RBFOX3: variants seen among roughly 807,000 people sequenced by gnomAD.
The protein encoded by RBFOX3 is RNA binding protein fox-1 homolog 3.
In RBFOX3, 17 loss-of-function variants were observed where a neutral mutation model predicts 48.7. The observed-to-expected ratio is 0.35, with a 90% CI of 0.24 to 0.52. The LOEUF (loss-of-function observed/expected upper bound fraction) is 0.52, where lower values mean the gene tolerates loss of function less well. Among genes scored for constraint, RBFOX3 ranks in the 20% least tolerant of loss-of-function variants. The pLI, the probability that RBFOX3 is intolerant of heterozygous loss-of-function variation, is 0.94. For synonymous variants in RBFOX3, 212 were observed against 209.5 expected (o/e 1.01, Z -0.10); for missense variants, 382 against 497.5 (o/e 0.77, Z 2.21).
intron 3 of RBFOX3, among the ~76,000 whole-genome samples, chr17:79,256,997 C>T (rs187559897): frequency 6.0e-4 from 91 of 152,068 alleles, no homozygotes; most frequent in Admixed American, 1.2e-3. Flanking sequence ...GTTCGTGACG[C>T]GGGTGGGAGG....
chr17:79,457,859 C>T (rs1382823770), intron 2 of RBFOX3, among the ~76,000 whole-genome samples: 1 of 152,194 alleles, frequency 6.6e-6, no homozygotes, highest in Non-Finnish European at 1.5e-5. Context: ...AAGAACACAG[C>T]CCAGCACAAC....
chr17:79,499,553 T>C (rs2082108605), intron 1 of RBFOX3, among the ~76,000 whole-genome samples: 1 of 152,238 alleles, frequency 6.6e-6, no homozygotes, highest in Non-Finnish European at 1.5e-5. Flanking sequence ...TGGAGGTCAG[T>C]ACTACAAAGC....
At chr17:79,503,752 C>T (rs1156268888) in intron 1 of RBFOX3, among the ~76,000 whole-genome samples, 1 of 152,204 alleles carries the variant, frequency 6.6e-6, no homozygotes, top group Non-Finnish European at 1.5e-5. Context: ...AAGCCGGTTC[C>T]CAGGAGCTGA....
At chr17:79,508,369 C>A (rs2083488655) in intron 1 of RBFOX3, among the ~76,000 whole-genome samples, 1 of 152,198 alleles carries the variant, frequency 6.6e-6, no homozygotes, top group African/African-American at 2.4e-5. Flanking sequence ...TTGGGGGCGT[C>A]CTGAGCCGCC....
the RBFOX3 span, among the ~76,000 whole-genome samples, chr17:79,643,847 A>G: frequency 6.6e-6 from 1 of 152,276 alleles, no homozygotes; most frequent in Non-Finnish European, 1.5e-5. Context: ...GACGTTCTCA[A>G]ATTAATGAAC....
At chr17:79,098,237 CGTCCTGCTCCCTCTTCCCCGTGCTGA>C (rs1373956618) in intron 9 of RBFOX3, 1 of 157,572 alleles carries the variant, frequency 6.3e-6, no homozygotes, top group Admixed American at 6.1e-5. Flanking sequence ...CCAAAGTCCC[CGTCCTGCTCCCTCTTCCCCGTGCTGA>C]GTCCTGCTCT....
chr17:79,464,274 G>A (rs1385262900), intron 2 of RBFOX3, among the ~76,000 whole-genome samples: 6 of 152,346 alleles, frequency 3.9e-5, no homozygotes, highest in East Asian at 1.9e-4. Context: ...TTCTTCCAAC[G>A]GACAGAGAAA....
At chr17:79,353,308 T>G (rs986928459) in intron 2 of RBFOX3, among the ~76,000 whole-genome samples, 5 of 152,028 alleles carry the variant, frequency 3.3e-5, no homozygotes, top group African/African-American at 1.2e-4. Flanking sequence ...CTCCATGGGG[T>G]GGGATCTTCC....
intron 1 of RBFOX3, among the ~76,000 whole-genome samples, chr17:79,539,484 C>T (rs2150154786): frequency 6.6e-6 from 1 of 152,262 alleles, no homozygotes; most frequent in African/African-American, 2.4e-5. Context: ...ATTTAAGATA[C>T]ACATAACCTT....
intron 2 of RBFOX3, among the ~76,000 whole-genome samples, chr17:79,413,831 C>T (rs545797702): frequency 4.6e-5 from 7 of 152,334 alleles, no homozygotes; most frequent in South Asian, 4.1e-4. Context: ...ACAGGGCAGG[C>T]GGCTGCCATC....
Position 79,097,310 on chromosome 17 carries a change from G to A in RBFOX3, c.737C>T (p.Pro246Leu), listed in dbSNP as rs966508225. The change falls in exon 11 of 15, where the codon CCC becomes CTC. Residue 246 changes from proline to leucine, a missense_variant. Pro to Leu is a moderately conservative substitution (Grantham distance 98). Transcript: ENST00000693108. Reference protein sequence around the residue: ...NTFRAAPPPPPIPTYGAALEQ... With the variant: ...NTFRAAPPPPLIPTYGAALEQ... Reference sequence around the variant, plus strand: ...TACTCACGCTCCGTAAGTCGGGATGGGGGGTGGGGGTGGCGCAGCCCGAAA... The same window carrying A: ...TACTCACGCTCCGTAAGTCGGGATGAGGGGTGGGGGTGGCGCAGCCCGAAA... 1 of 1,544,196 alleles carries A rather than the reference G, an allele frequency of 6.5e-7. No homozygotes were observed. The highest frequency in any genetic ancestry group is 8.7e-7 in the Non-Finnish European group (1 of 1,143,264).
chr17:79,095,681 G>A, intron 12 of RBFOX3, 107 bp from the exon 13 acceptor site: 15 of 991,630 alleles, frequency 1.5e-5, no homozygotes, highest in Non-Finnish European at 2.3e-5. Flanking sequence ...GGCCCTGGGA[G>A]GGACTACAGA....
rs112857233 is a variant in RBFOX3, at chr17:79,243,186, T to C, written c.-73-7381A>G. On this transcript the variant is annotated intron_variant, in intron 3 of 14. Coordinates refer to ENST00000693108, the MANE Select transcript of RBFOX3 (RefSeq NM_001350451.2). This position sits in a 1 kb window ranked among gnomAD's most constrained non-coding sequence, Gnocchi z 7.9. The stretch of plus-strand genomic sequence containing the variant: ...CCCTAAATGCCACAGCTGGTAGCGG[T>C]TGCAGCTGAGTTTGCGCGAGACCCA... 0.025 allele frequency among the ~76,000 whole-genome samples: 1,696 copies of C among 67,130 alleles called. 35 individuals carry two copies. The highest frequency in any genetic ancestry group is 0.073 in the African/African-American group (1,620 of 22,224). 44.0% of individuals were successfully genotyped at this position (67,130 alleles called of 152,430 possible).
At chr17:79,456,147 C>T (rs986896615) in intron 2 of RBFOX3, among the ~76,000 whole-genome samples, 3 of 152,166 alleles carry the variant, frequency 2.0e-5, no homozygotes, top group Non-Finnish European at 4.4e-5. Flanking sequence ...CTGACAGGGT[C>T]CCACCCCAAG....
upstream of RBFOX3, among the ~76,000 whole-genome samples, chr17:79,615,422 G>A (rs2093989911): frequency 6.6e-6 from 1 of 152,138 alleles, no homozygotes; most frequent in Non-Finnish European, 1.5e-5. Context: ...CACATAGTGG[G>A]AGAGGAGGGA....
At chr17:79,449,772 C>T (rs567322983) in intron 2 of RBFOX3, among the ~76,000 whole-genome samples, 80 of 152,274 alleles carry the variant, frequency 5.3e-4, no homozygotes, top group Non-Finnish European at 7.1e-4. Context: ...AACCTCTTCA[C>T]TTCTGCACTA....
chr17:79,382,953 G>A (rs893116067), intron 2 of RBFOX3, among the ~76,000 whole-genome samples: 3 of 151,688 alleles, frequency 2.0e-5, no homozygotes, highest in East Asian at 1.9e-4. Context: ...TTTTCTTAAC[G>A]ATGGGCTTTA....
the RBFOX3 span, among the ~76,000 whole-genome samples, chr17:79,637,738 G>GA: frequency 1.6e-5 from 2 of 125,438 alleles, no homozygotes; most frequent in African/African-American, 6.1e-5. Context: ...GAAGGGAGGG[G>GA]AGGGGAGGGG....
chr17:79,184,444 C>T (rs117480303), intron 4 of RBFOX3, among the ~76,000 whole-genome samples: 2,133 of 152,340 alleles, frequency 0.014, 18 homozygotes, highest in Non-Finnish European at 0.022. Context: ...CTCGGCAGTG[C>T]CCCTTGTTCC....
Sources: allele counts gnomAD v4.1 joint callset (sites outside exome capture counted in the v4.1 genomes callset), GRCh38; gene constraint gnomAD v4.1.1; non-coding constraint Gnocchi (gnomAD v3.1); transcripts MANE v1.5; gene names NCBI Gene and HGNC (gene_info 2026-07-23, HGNC 2026-07-21).